Variants in ASIC2 observed in about 807,000 individuals in gnomAD.
ASIC2 encodes the protein acid sensing ion channel subunit 2.
ASIC2 carries 25 observed loss-of-function variants against 57.3 expected under a neutral mutation model. That is an observed-to-expected ratio of 0.44 (90% CI 0.32 to 0.61). The LOEUF is 0.61. ASIC2 is among the 20% of genes least tolerant of loss of function. The pLI is 0.06. For missense variants in ASIC2, 641 were observed against 738.1 expected (o/e 0.87, Z 1.52); for synonymous variants, 319 against 307.5 (o/e 1.04, Z -0.39).
At chr17:33,332,639 C>A (rs56386216) in intron 1 of ASIC2, among the ~76,000 whole-genome samples, 45 of 152,260 alleles carry the variant, frequency 3.0e-4, no homozygotes, top group Non-Finnish European at 6.3e-4. Flanking sequence ...GCTTGTAATC[C>A]CGGCACTTTG....
At chr17:33,060,403 G>A (rs543056508) in intron 3 of ASIC2, among the ~76,000 whole-genome samples, 77 of 152,236 alleles carry the variant, frequency 5.1e-4, no homozygotes, top group African/African-American at 1.4e-3. Flanking sequence ...TCCCAGCACC[G>A]TTTGTTGAAT....
chr17:33,180,820 T>C lies in ASIC2; in HGVS notation c.709-68753A>G, dbSNP rs1273275163. ...TCCGGAGCCTGTGTGTTTGGAGTTCTGTGGCATGTTCAGCTCAGACCTATG... is the reference window on the plus strand; with the variant it reads ...TCCGGAGCCTGTGTGTTTGGAGTTCCGTGGCATGTTCAGCTCAGACCTATG... On this transcript the variant is annotated intron_variant, in intron 1 of 9. Transcript: ENST00000225823. Among the ~76,000 whole-genome samples the C allele has an allele frequency of 2.6e-5, 4 of 152,252 alleles. No homozygotes were observed. In the South Asian group the frequency reaches 6.2e-4, roughly 24 times the overall value.
At chr17:33,974,806 C>T (rs1479280712) in intron 1 of ASIC2, among the ~76,000 whole-genome samples, 1 of 152,124 alleles carries the variant, frequency 6.6e-6, no homozygotes, top group Non-Finnish European at 1.5e-5. Context: ...CTAAGTCCTA[C>T]AAGTCTACTC....
chr17:33,173,359 C>T (rs1291069524), intron 1 of ASIC2, among the ~76,000 whole-genome samples: 1 of 152,090 alleles, frequency 6.6e-6, no homozygotes, highest in Non-Finnish European at 1.5e-5. Context: ...GAAAACATGG[C>T]CACCACAGAC....
intron 1 of ASIC2, among the ~76,000 whole-genome samples, chr17:33,825,798 C>G (rs975173146): frequency 6.6e-6 from 1 of 152,146 alleles, no homozygotes; most frequent in Admixed American, 6.5e-5. Context: ...CTAAAAGAAG[C>G]TGTATCCAAA....
chr17:33,188,791 C>A (rs1232574016), intron 1 of ASIC2, among the ~76,000 whole-genome samples: 1 of 151,942 alleles, frequency 6.6e-6, no homozygotes, highest in Non-Finnish European at 1.5e-5. Context: ...ACAATTACCA[C>A]ATGAAATACT....
chr17:33,361,538 T>G (rs567736597), intron 1 of ASIC2, among the ~76,000 whole-genome samples: 1 of 152,340 alleles, frequency 6.6e-6, no homozygotes, highest in African/African-American at 2.4e-5. Context: ...TTGGTATCTG[T>G]CAGTATGATC....
intron 1 of ASIC2, among the ~76,000 whole-genome samples, chr17:33,862,005 T>A (rs188158067): frequency 3.1e-4 from 47 of 152,244 alleles, no homozygotes; most frequent in African/African-American, 1.1e-3. Context: ...TTAAGCTTGA[T>A]GCTTGAGCTG....
intron 1 of ASIC2, among the ~76,000 whole-genome samples, chr17:33,620,279 A>G (rs997140016): frequency 1.6e-4 from 24 of 149,784 alleles, no homozygotes; most frequent in Admixed American, 1.5e-3. Flanking sequence ...TGCATTTTCC[A>G]TACTACACCT....
At chr17:33,033,962 T>G (rs1477106558) in intron 3 of ASIC2, among the ~76,000 whole-genome samples, 2 of 151,966 alleles carry the variant, frequency 1.3e-5, no homozygotes, top group Non-Finnish European at 2.9e-5. Flanking sequence ...AGAGGAGTAC[T>G]CTCTCTGCTG....
chr17:33,626,600 G>A (rs986654057), intron 1 of ASIC2, among the ~76,000 whole-genome samples: 2 of 152,146 alleles, frequency 1.3e-5, no homozygotes, highest in Admixed American at 6.5e-5. Flanking sequence ...ATTGATAACG[G>A]TGTCAGGGGA....
At chr17:33,082,494 T>A (rs2092116889) in intron 3 of ASIC2, among the ~76,000 whole-genome samples, 1 of 151,654 alleles carries the variant, frequency 6.6e-6, no homozygotes, top group African/African-American at 2.4e-5. Flanking sequence ...AGGCCAGGAG[T>A]TCGAGACCAG....
intron 1 of ASIC2, among the ~76,000 whole-genome samples, chr17:33,837,223 A>G (rs1464703756): frequency 6.6e-6 from 1 of 152,208 alleles, no homozygotes; most frequent in Non-Finnish European, 1.5e-5. Context: ...CCCAGATCCC[A>G]AACTCCTACC....
intron 1 of ASIC2, among the ~76,000 whole-genome samples, chr17:33,210,788 C>T (rs1045093510): frequency 6.6e-6 from 1 of 152,194 alleles, no homozygotes; most frequent in Non-Finnish European, 1.5e-5. Flanking sequence ...TCCCTATATA[C>T]CCTCCCAGGA....
At chr17:33,154,492 T>A (rs1567765577) in intron 1 of ASIC2, among the ~76,000 whole-genome samples, 1 of 152,164 alleles carries the variant, frequency 6.6e-6, no homozygotes, top group Non-Finnish European at 1.5e-5. Context: ...GGTTATTATC[T>A]CCCCAATCTT....
chr17:34,091,308 G>A (rs1378599765), intron 1 of ASIC2, among the ~76,000 whole-genome samples: 1 of 152,232 alleles, frequency 6.6e-6, no homozygotes, highest in Non-Finnish European at 1.5e-5. Flanking sequence ...CATCCAGGAG[G>A]GAGCAGTTTA....
intron 1 of ASIC2, among the ~76,000 whole-genome samples, chr17:34,011,859 A>C (rs1269567172): frequency 6.6e-6 from 1 of 152,080 alleles, no homozygotes; most frequent in Non-Finnish European, 1.5e-5. Flanking sequence ...AGTGTTCAGC[A>C]GTTTACCCTT....
intron 1 of ASIC2, among the ~76,000 whole-genome samples, chr17:33,442,046 A>T (rs1168251898): frequency 6.6e-6 from 1 of 152,208 alleles, no homozygotes; most frequent in African/African-American, 2.4e-5. Context: ...TCCCCCCCAA[A>T]TTGATTTAGC....
chr17:33,313,807 G>T (rs1477497155), intron 1 of ASIC2, among the ~76,000 whole-genome samples: 3 of 152,004 alleles, frequency 2.0e-5, no homozygotes, highest in Non-Finnish European at 4.4e-5. Flanking sequence ...GGACACTTCC[G>T]TATCCGGACT....
Sources: allele counts gnomAD v4.1 joint callset (sites outside exome capture counted in the v4.1 genomes callset), GRCh38; gene constraint gnomAD v4.1.1; transcripts MANE v1.5; gene names NCBI Gene and HGNC (gene_info 2026-07-23, HGNC 2026-07-21).